Variants in NTN1 observed in about 807,000 individuals in gnomAD.
NTN1 encodes netrin-1.
In NTN1, 11 loss-of-function variants were observed where a neutral mutation model predicts 54.2. That is an observed-to-expected ratio of 0.20 (90% confidence interval 0.13 to 0.34). The LOEUF is 0.34. NTN1 is among the 10% of genes least tolerant of loss of function. NTN1 has a pLI of 1.00. For synonymous variants in NTN1, 371 were observed against 382.0 expected (o/e 0.97, Z 0.33); for missense variants, 740 against 893.1 (o/e 0.83, Z 2.18).
chr17:9,139,270 T>G (rs1317958714), intron 2 of NTN1, among the ~76,000 whole-genome samples: 1 of 152,204 alleles, frequency 6.6e-6, no homozygotes, highest in Non-Finnish European at 1.5e-5. Context: ...TTAGGCCTGT[T>G]GACCCGCTGT....
intron 5 of NTN1, among the ~76,000 whole-genome samples, chr17:9,216,167 A>G (rs951784420): frequency 2.0e-5 from 3 of 152,234 alleles, no homozygotes; most frequent in South Asian, 4.1e-4. Flanking sequence ...AGCATTGCCC[A>G]GGCTGGTCTT....
At chr17:9,193,822 T>C (rs778847299) in intron 5 of NTN1, among the ~76,000 whole-genome samples, 55 of 145,946 alleles carry the variant, frequency 3.8e-4, no homozygotes, top group Non-Finnish European at 5.8e-4. Context: ...CTTGGGAGGC[T>C]GAGGCAGGAG....
the NTN1 span, among the ~76,000 whole-genome samples, chr17:9,011,157 G>A: frequency 1.4e-4 from 21 of 152,298 alleles, no homozygotes; most frequent in Admixed American, 1.2e-3. Context: ...TGCGAGCGAT[G>A]GGGAGTGGTT....
intron 2 of NTN1, among the ~76,000 whole-genome samples, chr17:9,097,242 C>G (rs1004813382): frequency 6.6e-6 from 1 of 152,200 alleles, no homozygotes; most frequent in Admixed American, 6.5e-5. Flanking sequence ...TGTTTCCCTC[C>G]TATGCCGACG....
chr17:9,106,004 C>G (rs1286333662), intron 2 of NTN1, among the ~76,000 whole-genome samples: 1 of 152,176 alleles, frequency 6.6e-6, no homozygotes, highest in African/African-American at 2.4e-5. Context: ...GCATGGCCCC[C>G]CAACCAGCAG....
At position 9,022,516 on chromosome 17, in the gene NTN1, C is replaced by T. The variant is rs866779945; in HGVS notation, c.143C>T (p.Pro48Leu). The T allele has an allele frequency of 1.3e-6, 2 of 1,548,106 alleles. No individual in the cohort carries two copies. The highest frequency in any genetic ancestry group is 1.9e-5 in the Admixed American group (1 of 52,482). Residue 48 changes from proline (P) to leucine (L), a missense_variant, in exon 2 of 7, where the codon CCG (proline) becomes CTG (leucine). Transcript: ENST00000173229. ...CCCTGCTCGGACGAGAACGGCCACCCGCGCCGCTGCATCCCGGACTTTGTC... is the reference window on the plus strand; with the variant it reads ...CCCTGCTCGGACGAGAACGGCCACCTGCGCCGCTGCATCCCGGACTTTGTC... ...PDPCSDENGH[P>L]RRCIPDFVNA...
chr17:9,156,321 A>G (rs2092342199), intron 2 of NTN1, among the ~76,000 whole-genome samples: 1 of 150,896 alleles, frequency 6.6e-6, no homozygotes, highest in Non-Finnish European at 1.5e-5. Flanking sequence ...CTCTGGAAGG[A>G]GAAGACATGG....
At chr17:9,025,398 G>A (rs1386177675) in intron 2 of NTN1, among the ~76,000 whole-genome samples, 2 of 152,034 alleles carry the variant, frequency 1.3e-5, no homozygotes, top group Non-Finnish European at 2.9e-5. Flanking sequence ...ACATATTAAC[G>A]AATGTAATTA....
At chr17:9,223,882 G>C (rs936985970) in intron 6 of NTN1, among the ~76,000 whole-genome samples, 3 of 152,160 alleles carry the variant, frequency 2.0e-5, no homozygotes, top group African/African-American at 7.2e-5. Context: ...GGGTAACCTC[G>C]GCAAGGAGGT....
intron 2 of NTN1, among the ~76,000 whole-genome samples, chr17:9,073,992 T>C (rs1391540622): frequency 1.3e-5 from 2 of 152,164 alleles, no homozygotes; most frequent in Non-Finnish European, 2.9e-5. Context: ...GCTCGATTCT[T>C]GTTGCTGGTG....
intron 2 of NTN1, among the ~76,000 whole-genome samples, chr17:9,049,010 A>G (rs572347942): frequency 4.7e-4 from 72 of 152,224 alleles, no homozygotes; most frequent in Non-Finnish European, 5.7e-4. Context: ...TAATGAAGTA[A>G]AATCTCTGGG....
At position 9,240,495 on chromosome 17, in the gene NTN1, C is replaced by T. The variant is rs1906173907; in HGVS notation, c.*527C>T. 1.3e-5 allele frequency: 2 copies of T among 152,382 alleles called. No individual in the cohort carries two copies. Among genetic ancestry groups the T allele is most frequent in the African/African-American group, 4.8e-5 (2 of 41,468 alleles). 9.4% of individuals were successfully genotyped at this position (152,382 alleles called of 1,614,324 possible). A position where few individuals can be genotyped will look rare whatever the true frequency, so the allele number is the denominator to read the frequency against. On this transcript the variant is annotated 3_prime_UTR_variant, in exon 7 of 7. Transcript: ENST00000173229. ...CAGCCGACGGGATCCCCCCCTTTCT[C>T]CCCGGCCCCTTCTAGCAGTTCCCCG...
intron 2 of NTN1, among the ~76,000 whole-genome samples, chr17:9,126,029 G>A (rs1263856330): frequency 6.6e-6 from 1 of 152,248 alleles, no homozygotes; most frequent in Non-Finnish European, 1.5e-5. Flanking sequence ...GCCAGGCATC[G>A]TCCCCAGCCA....
intron 2 of NTN1, among the ~76,000 whole-genome samples, chr17:9,047,136 T>C (rs542640407): frequency 5.3e-5 from 8 of 152,358 alleles, no homozygotes; most frequent in African/African-American, 1.9e-4. Context: ...TTGTCACTGT[T>C]GGAGGGCTTT....
At chr17:9,193,933 A>AAAAC (rs901939164) in intron 5 of NTN1, among the ~76,000 whole-genome samples, 2 of 140,090 alleles carry the variant, frequency 1.4e-5, no homozygotes, top group African/African-American at 5.3e-5. Context: ...AAAAAAAAAA[A>AAAAC]AAAAAAAAAA....
At chr17:9,044,212 A>T (rs547277950) in intron 2 of NTN1, among the ~76,000 whole-genome samples, 11 of 139,140 alleles carry the variant, frequency 7.9e-5, no homozygotes, top group Non-Finnish European at 1.4e-4. Context: ...TAAATGTCCA[A>T]TTTTTTTTGC....
chr17:9,141,736 T>C (rs1239019973), intron 2 of NTN1, among the ~76,000 whole-genome samples: 5 of 152,006 alleles, frequency 3.3e-5, no homozygotes, highest in Non-Finnish European at 7.4e-5. Context: ...ACGGTTTATG[T>C]TTCCTGAAGA....
At chr17:9,124,252 G>C (rs2092239345) in intron 2 of NTN1, among the ~76,000 whole-genome samples, 1 of 152,200 alleles carries the variant, frequency 6.6e-6, no homozygotes, top group South Asian at 2.1e-4. Flanking sequence ...CACAATCCTT[G>C]TTTTTTCCTT....
At chr17:9,110,670 C>A (rs564416296) in intron 2 of NTN1, among the ~76,000 whole-genome samples, 1 of 152,286 alleles carries the variant, frequency 6.6e-6, no homozygotes, top group Non-Finnish European at 1.5e-5. Context: ...AAGGTGTTTT[C>A]TCCTATTTCA....
Sources: gnomAD v4.1 joint callset for allele counts (sites outside exome capture counted in the v4.1 genomes callset) on GRCh38, gnomAD v4.1.1 for gene constraint, MANE v1.5 for transcripts, NCBI Gene and HGNC (gene_info 2026-07-23, HGNC 2026-07-21) for gene names.